The following TGFBR3 variants were observed in gnomAD, a reference collection of about 807,000 sequenced individuals.
The protein encoded by TGFBR3 is transforming growth factor beta receptor 3, also known as transforming growth factor beta receptor type 3.
Under a neutral mutation model 87.9 loss-of-function variants are expected in TGFBR3, and 46 were observed. That is an observed-to-expected ratio of 0.52 (90% CI 0.41 to 0.67). TGFBR3 has a LOEUF of 0.67. Ranked by LOEUF, TGFBR3 falls within the 30% of genes least tolerant of loss-of-function variation. TGFBR3 has a pLI of 0.00. For synonymous variants in TGFBR3, 381 were observed against 391.6 expected (o/e 0.97, Z 0.32); for missense variants, 866 against 1,041.9 (o/e 0.83, Z 2.32).
Position 91,722,014 on chromosome 1 carries a change from A to C in TGFBR3, c.1016T>G (p.Ile339Arg). 6.2e-7 allele frequency: 1 copy of C among 1,613,696 alleles called. No homozygotes were observed. ...KWALDNGYSP[I>R]TSYTMAPVAN... ...CACAGGAGCCATTGTGTATGAAGTT[A>C]TTGGACTATAGCCATTGTCCAAAGC... Residue 339 changes from isoleucine (I) to arginine (R), a missense_variant, in exon 8 of 17, where the codon ATA becomes AGA. Ile to Arg is a moderately conservative substitution (Grantham distance 97, BLOSUM62 -3). Transcript: ENST00000212355.
chr1:91,884,695 C>G (rs565639603), intron 1 of TGFBR3, among the ~76,000 whole-genome samples: 8 of 152,254 alleles, frequency 5.3e-5, no homozygotes, highest in African/African-American at 1.7e-4. Context: ...AGTGCTTTTC[C>G]CATAGAGATG....
chr1:91,858,459 C>G (rs1571579344), intron 2 of TGFBR3, among the ~76,000 whole-genome samples: 1 of 151,202 alleles, frequency 6.6e-6, no homozygotes, highest in Middle Eastern at 3.2e-3. Flanking sequence ...TACTAAAATA[C>G]AAAAAATTAG....
chr1:91,719,322 T>C lies in TGFBR3; in HGVS notation c.1556A>G (p.Tyr519Cys), dbSNP rs769783512. 6.2e-7 allele frequency: 1 copy of C among 1,614,100 alleles called. No homozygotes were observed. The highest frequency in any genetic ancestry group is 8.5e-7 in the Non-Finnish European group (1 of 1,180,000). Reference sequence around the variant, plus strand: ...CTGGAAAACACTCACGGAGTTATAGTAGACCACACCATCAAGGGCTGACCA... The same window carrying C: ...CTGGAAAACACTCACGGAGTTATAGCAGACCACACCATCAAGGGCTGACCA... The part of the protein sequence containing the change: ...PRWSALDGVV[Y>C]YNSIVIQVPA... Residue 519 changes from tyrosine to cysteine, a missense_variant, in exon 10 of 17, where the codon TAC (tyrosine) becomes TGC (cysteine). Coordinates refer to ENST00000212355, the MANE Select transcript of TGFBR3 (RefSeq NM_003243.5).
intron 14 of TGFBR3, among the ~76,000 whole-genome samples, chr1:91,705,831 G>T (rs1444180892): frequency 6.6e-6 from 1 of 152,070 alleles, no homozygotes; most frequent in Non-Finnish European, 1.5e-5. Flanking sequence ...GTCTCAATTA[G>T]CAAATCTCAT....
chr1:91,763,748 T>A (rs1215796115), intron 3 of TGFBR3, among the ~76,000 whole-genome samples: 2 of 152,164 alleles, frequency 1.3e-5, no homozygotes, highest in African/African-American at 4.8e-5. Context: ...TCACTGACAT[T>A]TGGGCAATAT....
At position 91,797,306 on chromosome 1, in the gene TGFBR3, G is replaced by A. The variant is rs752866715; in HGVS notation, c.227C>T (p.Pro76Leu). ...ACCTACCTCTCTCTGTAGCTGGCCA[G>A]GCCCCTGGCCTGCAGTGCGGAGATT... ...VLNLRTAGQG[P>L]GQLQREVTLH... The change falls in exon 3 of 17, where the codon CCT (proline) becomes CTT (leucine). Residue 76 changes from proline to leucine, a missense_variant. By Grantham distance (98) the Pro-to-Leu change is moderately conservative (BLOSUM62 -3). Coordinates refer to ENST00000212355, the MANE Select transcript of TGFBR3 (RefSeq NM_003243.5). 7 of 1,614,194 alleles carry A rather than the reference G, an allele frequency of 4.3e-6. No individual in the cohort carries two copies. Among genetic ancestry groups the A allele is most frequent in the Non-Finnish European group, 5.9e-6 (7 of 1,180,036 alleles).
At chr1:91,754,858 G>A (rs924718859) in intron 4 of TGFBR3, 3 of 152,092 alleles carry the variant, frequency 2.0e-5, no homozygotes, top group Non-Finnish European at 4.4e-5. Context: ...ATGAGTAGAT[G>A]CTATTACTTG....
At chr1:91,897,053 G>A (rs1205459327) in intron 2 of TGFBR3, among the ~76,000 whole-genome samples, 5 of 151,836 alleles carry the variant, frequency 3.3e-5, no homozygotes, top group African/African-American at 1.2e-4. Context: ...GTTCAACTCA[G>A]CTGGAATTTT....
At chr1:91,702,359 C>T (rs1217459654) in intron 14 of TGFBR3, among the ~76,000 whole-genome samples, 1 of 152,094 alleles carries the variant, frequency 6.6e-6, no homozygotes, top group African/African-American at 2.4e-5. Flanking sequence ...TCCTAAATGA[C>T]CTAATCGCCG....
chr1:91,752,408 T>C (rs1007634464), intron 4 of TGFBR3, among the ~76,000 whole-genome samples: 1 of 151,692 alleles, frequency 6.6e-6, no homozygotes, highest in African/African-American at 2.4e-5. Context: ...CACATACATT[T>C]GCTCTCTGAT....
rs1196776895 is a variant in TGFBR3, at chr1:91,683,271, A to G, written c.*468T>C. On this transcript the variant is annotated 3_prime_UTR_variant, in exon 17 of 17. Coordinates refer to ENST00000212355, the MANE Select transcript of TGFBR3 (RefSeq NM_003243.5). Reference sequence around the variant, plus strand: ...AGGATCGCTTAGAAAGCCTCAAAGCATTTCTTGTTTTACATCTTGGTTCAG... The same window carrying G: ...AGGATCGCTTAGAAAGCCTCAAAGCGTTTCTTGTTTTACATCTTGGTTCAG... The G allele has an allele frequency of 2.6e-5, 12 of 455,616 alleles. No homozygotes were observed. The highest frequency in any genetic ancestry group is 5.3e-5 in the Non-Finnish European group (12 of 227,694). 28.2% of individuals were successfully genotyped at this position (455,616 alleles called of 1,614,324 possible).
In TGFBR3 at chr1:91,680,726, T is replaced by C. The variant is rs1362457082; in HGVS notation, c.*3013A>G. The C allele has an allele frequency of 4.4e-6, 2 of 454,038 alleles. No homozygotes were observed. The allele number at this position is 454,038 out of a possible 1,614,324, so 28.1% of individuals were successfully genotyped here. On this transcript the variant is annotated 3_prime_UTR_variant, in exon 17 of 17. Coordinates refer to ENST00000212355, the MANE Select transcript of TGFBR3 (RefSeq NM_003243.5). ...GTTAACACAACCAGCAGTACAATCA[T>C]CATTCAAACCATGAGGTAGTTACAG...
chr1:91,720,128 C>T lies in TGFBR3; in HGVS notation c.1178G>A (p.Gly393Glu), dbSNP rs772452575. 6.2e-7 allele frequency: 1 copy of T among 1,614,074 alleles called. No homozygotes were observed. The highest frequency in any genetic ancestry group is 8.5e-7 in the Non-Finnish European group (1 of 1,180,004). The change falls in exon 9 of 17, where the codon GGA (glycine) becomes GAA (glutamate). Residue 393 changes from glycine (G) to glutamate (E), a missense_variant. Physicochemically the swap from Gly to Glu is moderately conservative, Grantham distance 98 (BLOSUM62 -2). Coordinates refer to ENST00000212355, the MANE Select transcript of TGFBR3 (RefSeq NM_003243.5). ...LPALQNPPIR[G>E]GEGQNGGLPF... ...AAGGCCTCCATTTTGGCCTTCCCCTCCCCGGATGGGCGGGTTCTGCAGGGC... is the reference window on the plus strand; with the variant it reads ...AAGGCCTCCATTTTGGCCTTCCCCTTCCCGGATGGGCGGGTTCTGCAGGGC...
chr1:91,776,725 C>T (rs1311180161), intron 3 of TGFBR3, among the ~76,000 whole-genome samples: 2 of 152,198 alleles, frequency 1.3e-5, no homozygotes, highest in African/African-American at 2.4e-5. Context: ...CAGCTGCATA[C>T]ATGACCCTCC....
chr1:91,881,724 T>A lies in TGFBR3; in HGVS notation c.-114+4154A>T, dbSNP rs145319437. Among the ~76,000 whole-genome samples, 90 of 152,178 alleles carry A rather than the reference T, an allele frequency of 5.9e-4. 1 individual carries two copies. The highest frequency in any genetic ancestry group is 2.1e-3 in the African/African-American group (89 of 41,528). On this transcript the variant is annotated intron_variant, in intron 1 of 16. Coordinates refer to ENST00000212355, the MANE Select transcript of TGFBR3 (RefSeq NM_003243.5). ...ATCCATGGGACCCTAACGTAGTAAA[T>A]GAAATAAAGGTAAATCAATACTACA...
intron 2 of TGFBR3, among the ~76,000 whole-genome samples, chr1:91,816,055 A>AT (rs1415019639): frequency 2.6e-5 from 4 of 152,266 alleles, no homozygotes; most frequent in Middle Eastern, 3.4e-3. Context: ...ACTGGGTTGG[A>AT]TTTTTTCCAT....
At chr1:91,787,206 C>A (rs1036126377) in intron 3 of TGFBR3, among the ~76,000 whole-genome samples, 1 of 151,888 alleles carries the variant, frequency 6.6e-6, no homozygotes, top group African/African-American at 2.4e-5. Flanking sequence ...GAGGCTGAGG[C>A]AAGAGAATCG....
At position 91,758,767 on chromosome 1, in the gene TGFBR3, A is replaced by T. The variant is rs768758265; in HGVS notation, c.247-17T>A. The T allele has an allele frequency of 6.2e-7, 1 of 1,613,816 alleles. No homozygotes were observed. The highest frequency in any genetic ancestry group is 8.5e-7 in the Non-Finnish European group (1 of 1,179,806). On this transcript the variant is annotated splice_polypyrimidine_tract_variant and intron_variant, in intron 3 of 16. Transcript: ENST00000212355. ...AAGTGTGACCTAGGAAGCAACAGAA[A>T]GAGGGCAGAAATCTTAGCCCTGGCT...
chr1:91,876,414 C>G (rs1323731949), intron 1 of TGFBR3, among the ~76,000 whole-genome samples: 2 of 152,146 alleles, frequency 1.3e-5, no homozygotes, highest in Non-Finnish European at 2.9e-5. Context: ...TTGCTTCTGA[C>G]AAGTGCTGAG....
Sources: gnomAD v4.1 joint callset for allele counts (sites outside exome capture counted in the v4.1 genomes callset) on GRCh38, gnomAD v4.1.1 for gene constraint, MANE v1.5 for transcripts, NCBI Gene and HGNC (gene_info 2026-07-23, HGNC 2026-07-21) for gene names.